Variants in MAST4 observed in about 807,000 individuals in gnomAD.
MAST4 encodes microtubule associated serine/threonine kinase family member 4, also known as microtubule-associated serine/threonine-protein kinase 4.
A neutral mutation model predicts 162.7 loss-of-function variants in MAST4; 89 were observed. The observed-to-expected ratio is 0.55, with a 90% CI of 0.46 to 0.65. The LOEUF (loss-of-function observed/expected upper bound fraction) is 0.65, where lower values mean the gene tolerates loss of function less well. Among genes scored for constraint, MAST4 ranks in the 30% least tolerant of loss-of-function variants. The pLI is 0.00. For missense variants in MAST4, 3,153 were observed against 3,374.0 expected, an observed-to-expected ratio of 0.93 and a Z score of 1.62; for synonymous variants, 1,479 against 1,361.1, an observed-to-expected ratio of 1.09 and a Z score of -1.91.
intron 1 of MAST4, among the ~76,000 whole-genome samples, chr5:66,651,227 A>C (rs1746197616): frequency 6.6e-6 from 1 of 151,784 alleles, no homozygotes. Flanking sequence ...AATAGCTGCT[A>C]TTCAGGAAAG....
chr5:66,942,878 C>T (rs556980096), intron 4 of MAST4, among the ~76,000 whole-genome samples: 1 of 152,118 alleles, frequency 6.6e-6, no homozygotes, highest in African/African-American at 2.4e-5. Context: ...TTATTTCTTA[C>T]ATTTCTGGTG....
chr5:67,094,496 T>C (rs1472747646), intron 6 of MAST4, among the ~76,000 whole-genome samples: 1 of 152,178 alleles, frequency 6.6e-6, no homozygotes, highest in East Asian at 1.9e-4. Context: ...AAAATGTCCA[T>C]ATATGACACT....
At chr5:67,097,294 G>A (rs940965559) in intron 7 of MAST4, among the ~76,000 whole-genome samples, 1 of 152,116 alleles carries the variant, frequency 6.6e-6, no homozygotes, top group African/African-American at 2.4e-5. Flanking sequence ...TATGCCAGGT[G>A]CTTGTCTAAA....
At chr5:66,617,765 A>G (rs1743796376) in intron 1 of MAST4, among the ~76,000 whole-genome samples, 1 of 152,164 alleles carries the variant, frequency 6.6e-6, no homozygotes, top group Non-Finnish European at 1.5e-5. Flanking sequence ...TACCCACTTG[A>G]GGAGCTTACC....
intron 1 of MAST4, among the ~76,000 whole-genome samples, chr5:66,732,591 T>C (rs954450237): frequency 4.6e-5 from 7 of 152,188 alleles, no homozygotes; most frequent in Admixed American, 3.9e-4. Context: ...AGGACAATGC[T>C]TTGTGAACTT....
chr5:66,663,627 A>C (rs1747052991), intron 1 of MAST4, among the ~76,000 whole-genome samples: 1 of 152,110 alleles, frequency 6.6e-6, no homozygotes, highest in Admixed American at 6.6e-5. Context: ...AGCATGTCTG[A>C]CTTCTGACTT....
At position 67,039,979 on chromosome 5, in the gene MAST4, A is replaced by G. The variant is rs143537311; in HGVS notation, c.675-14425A>G. On this transcript the variant is annotated intron_variant, in intron 4 of 28. Transcript: ENST00000403625. ...TGAGATTTTATATATATATATATAT[A>G]TGTGTGTGTATATATATATAATATA... 4.1e-3 allele frequency among the ~76,000 whole-genome samples: 562 copies of G among 137,418 alleles called. 3 individuals carry two copies. The highest frequency in any genetic ancestry group is 7.3e-3 in the African/African-American group (265 of 36,138). 90.2% of individuals were successfully genotyped at this position (137,418 alleles called of 152,430 possible).
chr5:67,039,961 TTATATA>T (rs34027825), intron 4 of MAST4, among the ~76,000 whole-genome samples: 9 of 147,872 alleles, frequency 6.1e-5, no homozygotes, highest in African/African-American at 2.0e-4. Flanking sequence ...TTTTGAGATT[TTATATA>T]TATATATATA....
intron 4 of MAST4, among the ~76,000 whole-genome samples, chr5:66,980,528 T>C (rs1460060701): frequency 6.6e-6 from 1 of 152,212 alleles, no homozygotes; most frequent in Non-Finnish European, 1.5e-5. Flanking sequence ...TGGAGCTCTA[T>C]GCCTTGTCCT....
chr5:67,007,488 A>G (rs1295092985), intron 4 of MAST4, among the ~76,000 whole-genome samples: 26 of 152,190 alleles, frequency 1.7e-4, no homozygotes, highest in Admixed American at 1.7e-3. Context: ...TGTGTGACAG[A>G]TTGTTCATTT....
chr5:66,791,126 C>T (rs559276568), intron 3 of MAST4, among the ~76,000 whole-genome samples: 78 of 152,012 alleles, frequency 5.1e-4, no homozygotes, highest in African/African-American at 1.8e-3. Flanking sequence ...TGGGTTCAGG[C>T]GATTCTCCTG....
At chr5:66,845,124 TATAC>T (rs1194929381) in intron 3 of MAST4, among the ~76,000 whole-genome samples, 2 of 98,928 alleles carry the variant, frequency 2.0e-5, no homozygotes, top group East Asian at 4.2e-4. Context: ...TATATATATA[TATAC>T]ACACACACAC....
intron 1 of MAST4, among the ~76,000 whole-genome samples, chr5:66,719,408 T>A (rs1317409873): frequency 6.6e-6 from 1 of 152,212 alleles, no homozygotes; most frequent in Admixed American, 6.5e-5. Flanking sequence ...GCTGAAGAAT[T>A]TCCTATTTGT....
At chr5:66,689,313 G>A (rs142902465) in intron 1 of MAST4, among the ~76,000 whole-genome samples, 2 of 152,130 alleles carry the variant, frequency 1.3e-5, no homozygotes, top group African/African-American at 4.8e-5. Flanking sequence ...CCAGGGTGAG[G>A]TGCAATCTCT....
At chr5:66,599,094 A>G (rs750562461) in intron 1 of MAST4, among the ~76,000 whole-genome samples, 1 of 152,218 alleles carries the variant, frequency 6.6e-6, no homozygotes, top group Non-Finnish European at 1.5e-5. Flanking sequence ...CAGGAGCAAA[A>G]TCTTGACTTG....
At chr5:66,830,980 C>G (rs542445211) in intron 3 of MAST4, among the ~76,000 whole-genome samples, 4 of 152,326 alleles carry the variant, frequency 2.6e-5, no homozygotes, top group African/African-American at 9.6e-5. Context: ...AATCCTGACA[C>G]ACCCTCTTGG....
chr5:67,146,886 T>A (rs1252949553), intron 23 of MAST4, among the ~76,000 whole-genome samples: 3 of 152,226 alleles, frequency 2.0e-5, no homozygotes, highest in Non-Finnish European at 4.4e-5. Context: ...CATATGTAGA[T>A]ATCTTGGTAT....
intron 3 of MAST4, chr5:66,828,970 G>C (rs1183873621): frequency 9.6e-7 from 1 of 1,045,446 alleles, no homozygotes; most frequent in African/African-American, 1.6e-5. Flanking sequence ...CCTTTACTGG[G>C]CACGAATATG....
intron 4 of MAST4, among the ~76,000 whole-genome samples, chr5:67,036,475 T>A (rs1430428900): frequency 5.3e-5 from 8 of 152,162 alleles, no homozygotes; most frequent in Non-Finnish European, 1.5e-5. Context: ...GCATTCTCTA[T>A]GCAGTAGTCC....
Sources: gnomAD v4.1 joint callset for allele counts (sites outside exome capture counted in the v4.1 genomes callset) on GRCh38, gnomAD v4.1.1 for gene constraint, MANE v1.5 for transcripts, NCBI Gene and HGNC (gene_info 2026-07-23, HGNC 2026-07-21) for gene names.